PUS7L: variants seen among roughly 807,000 people sequenced by gnomAD.
PUS7L encodes the protein pseudouridylate synthase PUS7L.
A neutral mutation model predicts 51.1 loss-of-function variants in PUS7L; 49 were observed. That is an observed-to-expected ratio of 0.96 (90% CI 0.76 to 1.22). The LOEUF (loss-of-function observed/expected upper bound fraction) is 1.22, where lower values mean the gene tolerates loss of function less well. Among genes scored for constraint, PUS7L ranks in the 50% most tolerant of loss-of-function variants. The pLI is 0.00. For missense variants in PUS7L, 828 were observed against 820.6 expected (o/e 1.01, Z -0.11); for synonymous variants, 277 against 276.2 (o/e 1.00, Z -0.03).
intron 5 of PUS7L, 24 bp from the exon 6 acceptor site, chr12:43,738,415 A>T: frequency 8.2e-7 from 1 of 1,222,014 alleles, no homozygotes; most frequent in East Asian, 2.3e-5. Context: ...GCAGGTAAAC[A>T]TGTGTTAATG....
Position 43,731,750 on chromosome 12 carries a change from C to G in PUS7L, c.1734G>C (p.Leu578=), listed in dbSNP as rs746630280. Residue 578 remains leucine (L), a synonymous_variant, in exon 8 of 9, where the codon CTG becomes CTC. Coordinates refer to ENST00000344862, the MANE Select transcript of PUS7L (RefSeq NM_031292.5). ...DENFPNSKIH[L]VTEEEGSANM... is the part of the protein sequence containing the mutation. ...TAGCTGATCCCTCCTCTTCAGTTAC[C>G]AGGTGAATCTAGTTTTAAAAAACAT... The G allele has an allele frequency of 6.4e-7, 1 of 1,572,464 alleles. No individual in the cohort carries two copies. The highest frequency in any genetic ancestry group is 1.1e-5 in the South Asian group (1 of 87,348).
intron 5 of PUS7L, chr12:43,739,837 T>C (rs1268676101): frequency 1.3e-5 from 2 of 152,200 alleles, no homozygotes; most frequent in African/African-American, 4.8e-5. Context: ...AGAGGTTATA[T>C]TGAGAGTACT....
intron 7 of PUS7L, 53 bp from the exon 8 acceptor site, chr12:43,731,811 C>T (rs1944562539): frequency 6.4e-6 from 7 of 1,095,942 alleles, no homozygotes; most frequent in Non-Finnish European, 9.7e-6. Flanking sequence ...TCCAAATTTC[C>T]ACCACTTTCA....
chr12:43,742,283 T>G (rs1184452746), intron 5 of PUS7L, among the ~76,000 whole-genome samples, 174 bp downstream of exon 5: 1 of 152,216 alleles, frequency 6.6e-6, no homozygotes, highest in African/African-American at 2.4e-5. Context: ...GGCTTTCTTG[T>G]AATGTGATAT....
intron 5 of PUS7L, among the ~76,000 whole-genome samples, chr12:43,741,849 A>C (rs1458057862): frequency 6.6e-6 from 1 of 152,328 alleles, no homozygotes; most frequent in East Asian, 1.9e-4. Flanking sequence ...TGAACGAGAT[A>C]CTATCATAAG....
At position 43,723,871 on chromosome 12, in the gene PUS7L, C is replaced by T. The variant is rs1441025377; in HGVS notation, c.*6505G>A. 2 of 151,994 alleles carry T rather than the reference C, an allele frequency of 1.3e-5. No individual in the cohort carries two copies. Among genetic ancestry groups the T allele is most frequent in the Non-Finnish European group, 2.9e-5 (2 of 67,930 alleles). 9.4% of individuals were successfully genotyped at this position (151,994 alleles called of 1,614,324 possible). ...TAGTTATCCTAGCTGCCATTGGTGC[C>T]ATTAAAATCTCTCTCTCTCAAAATG... On this transcript the variant is annotated 3_prime_UTR_variant, in exon 9 of 9. Coordinates refer to ENST00000344862, the MANE Select transcript of PUS7L (RefSeq NM_031292.5).
chr12:43,748,300 T>C (rs560585678), intron 3 of PUS7L, 150 bp downstream of exon 3: 32 of 500,196 alleles, frequency 6.4e-5, no homozygotes, highest in South Asian at 2.3e-4. Context: ...AGGCATAATA[T>C]AATTAATTAG....
intron 6 of PUS7L, chr12:43,738,004 T>C (rs1937693392): frequency 1.2e-5 from 3 of 250,294 alleles, no homozygotes; most frequent in African/African-American, 6.8e-5. Context: ...AATTAATTAT[T>C]GTCATCAGTG....
rs748158582 is a variant in PUS7L, at chr12:43,719,437, T to C, written c.*10939A>G. On this transcript the variant is annotated 3_prime_UTR_variant, in exon 9 of 9. Transcript: ENST00000344862. ...AAAGAGGTGTTCATGAAGGATTTCTTGGTTGCAAAGCAGTCTTCTATCTTT... is the reference window on the plus strand; with the variant it reads ...AAAGAGGTGTTCATGAAGGATTTCTCGGTTGCAAAGCAGTCTTCTATCTTT... 4.6e-5 allele frequency: 7 copies of C among 152,316 alleles called. No homozygotes were observed. The East Asian group carries it at 1.4e-3, about 29-fold the overall frequency. The allele number at this position is 152,316 out of a possible 1,614,324, so 9.4% of individuals were successfully genotyped here.
chr12:43,746,143 C>G lies in PUS7L; in HGVS notation c.1166G>C (p.Gly389Ala). The stretch of plus-strand genomic sequence containing the variant: ...TCTAATGACAATATCAAAGTGATTT[C>G]CTTTGAGCTGACCAAGTCTCAGGGA... Reference protein sequence around the residue: ...DDSLRLGQLKGNHFDIVIRNL... With the variant: ...DDSLRLGQLKANHFDIVIRNL... The change falls in exon 4 of 9, where the codon GGA becomes GCA. Residue 389 changes from glycine (G) to alanine (A), a missense_variant. Gly to Ala is a moderately conservative substitution (Grantham distance 60). Transcript: ENST00000344862. 1 of 1,508,968 alleles carries G rather than the reference C, an allele frequency of 6.6e-7. No homozygotes were observed. Among genetic ancestry groups the G allele is most frequent in the Non-Finnish European group, 9.2e-7 (1 of 1,088,708 alleles). 93.5% of individuals were successfully genotyped at this position (1,508,968 alleles called of 1,614,324 possible).
intron 7 of PUS7L, among the ~76,000 whole-genome samples, chr12:43,732,766 T>C (rs547481889): frequency 6.6e-6 from 1 of 152,234 alleles, no homozygotes; most frequent in Non-Finnish European, 1.5e-5. Flanking sequence ...GTCTTATCAA[T>C]AATGTTGCTC....
intron 6 of PUS7L, among the ~76,000 whole-genome samples, chr12:43,737,770 G>A (rs931108289): frequency 2.0e-5 from 3 of 152,016 alleles, no homozygotes; most frequent in African/African-American, 7.2e-5. Flanking sequence ...CAGTTGGGAA[G>A]TATTAAAGTT....
chr12:43,743,169 A>G lies in PUS7L; in HGVS notation c.1264-614T>C, dbSNP rs1937989878. On this transcript the variant is annotated intron_variant, in intron 4 of 8. Transcript: ENST00000344862. ...TCACTTCCTGCTGGAGGTGAACCATACAGGCCATGTTTTAAAACTGTCACA... is the reference window on the plus strand; with the variant it reads ...TCACTTCCTGCTGGAGGTGAACCATGCAGGCCATGTTTTAAAACTGTCACA... 3.3e-5 allele frequency among the ~76,000 whole-genome samples: 5 copies of G among 152,200 alleles called. No homozygotes were observed. In the South Asian group the frequency reaches 8.3e-4, roughly 25 times the overall value.
In PUS7L at chr12:43,730,323, C is replaced by A. The variant is rs761748764; in HGVS notation, c.*53G>T. ...ATGGAAGGTGCTTAAGACATTTTAG[C>A]CCCCTTTCCTTCAAAGAGTGACATA... On this transcript the variant is annotated 3_prime_UTR_variant, in exon 9 of 9. Transcript: ENST00000344862. The A allele has an allele frequency of 7.3e-7, 1 of 1,364,400 alleles. No individual in the cohort carries two copies. The highest frequency in any genetic ancestry group is 1.0e-6 in the Non-Finnish European group (1 of 975,486). 84.5% of individuals were successfully genotyped at this position (1,364,400 alleles called of 1,614,324 possible). A position where few individuals can be genotyped will look rare whatever the true frequency, so the allele number is the denominator to read the frequency against.
At position 43,742,550 on chromosome 12, in the gene PUS7L, T is replaced by A; in HGVS notation, c.1269A>T (p.Lys423Asn). ...IMEAIENVKK[K>N]GFVNYYGPQR... ...GTGGTCCATAGTAATTCACAAAGCC[T>A]TTTTTCTATGTATACAAAATAATCA... The change falls in exon 5 of 9, where the codon AAA (lysine) becomes AAT (asparagine). Residue 423 changes from lysine to asparagine, a missense_variant. Physicochemically the swap from Lys to Asn is moderately conservative, Grantham distance 94 (BLOSUM62 0). Coordinates refer to ENST00000344862, the MANE Select transcript of PUS7L (RefSeq NM_031292.5). 1.3e-6 allele frequency: 2 copies of A among 1,595,654 alleles called. No individual in the cohort carries two copies. Among genetic ancestry groups the A allele is most frequent in the South Asian group, 2.3e-5 (2 of 88,486 alleles).
intron 2 of PUS7L, among the ~76,000 whole-genome samples, chr12:43,749,089 C>G (rs1938317660): frequency 6.6e-6 from 1 of 152,174 alleles, no homozygotes; most frequent in Non-Finnish European, 1.5e-5. Context: ...TTTTAAACTG[C>G]TGGTTGGCTC....
chr12:43,746,328 C>T, intron 3 of PUS7L, 90 bp from the exon 4 acceptor site: 1 of 556,040 alleles, frequency 1.8e-6, no homozygotes, highest in Non-Finnish European at 3.1e-6. Flanking sequence ...GCCAAGCAAC[C>T]CCTTATATGA....
At position 43,721,292 on chromosome 12, in the gene PUS7L, G is replaced by A. The variant is rs2137639139; in HGVS notation, c.*9084C>T. 1 of 152,222 alleles carries A rather than the reference G, an allele frequency of 6.6e-6. No homozygotes were observed. The allele number at this position is 152,222 out of a possible 1,614,324, so 9.4% of individuals were successfully genotyped here. A position where few individuals can be genotyped will look rare whatever the true frequency, so the allele number is the denominator to read the frequency against. On this transcript the variant is annotated 3_prime_UTR_variant, in exon 9 of 9. Coordinates refer to ENST00000344862, the MANE Select transcript of PUS7L (RefSeq NM_031292.5). ...TCTTCAAGCCCTGGAATCCTCATTT[G>A]TTAAATGAGACTAGTTATCATACCT...
In PUS7L at chr12:43,758,526, C is replaced by G. The variant is rs1938983668; in HGVS notation, c.-17+204G>C. On this transcript the variant is annotated intron_variant, in intron 1 of 8. Transcript: ENST00000344862. ...CCCTCCAGCACGTCCAAAGGTGTCCCCGACAAGGCCAGCAGCTCTACCTGT... is the reference window on the plus strand; with the variant it reads ...CCCTCCAGCACGTCCAAAGGTGTCCGCGACAAGGCCAGCAGCTCTACCTGT... 3.0e-6 allele frequency: 3 copies of G among 985,476 alleles called. No individual in the cohort carries two copies. In the Admixed American group the frequency reaches 1.8e-4, roughly 61 times the overall value. The allele number at this position is 985,476 out of a possible 1,614,324, so 61.0% of individuals were successfully genotyped here.
Sources: allele counts gnomAD v4.1 joint callset (sites outside exome capture counted in the v4.1 genomes callset), GRCh38; gene constraint gnomAD v4.1.1; transcripts MANE v1.5; gene names NCBI Gene and HGNC (gene_info 2026-07-23, HGNC 2026-07-21).